Variants in MAN1C1 observed in about 807,000 individuals in gnomAD.
MAN1C1 encodes the protein mannosidase alpha class 1C member 1.
Under a neutral mutation model 71.5 loss-of-function variants are expected in MAN1C1, and 49 were observed. The observed-to-expected ratio is 0.69, with a 90% CI of 0.54 to 0.87. The LOEUF (loss-of-function observed/expected upper bound fraction) is 0.87, where lower values mean the gene tolerates loss of function less well. Ranked by LOEUF, MAN1C1 falls within the 40% of genes least tolerant of loss-of-function variation. The probability of loss-of-function intolerance (pLI) is 0.00; values close to 1 mark genes in which losing one functional copy is unlikely to be tolerated. For synonymous variants in MAN1C1, 352 were observed against 343.7 expected (o/e 1.02, Z -0.27); for missense variants, 743 against 835.0 (o/e 0.89, Z 1.36).
chr1:25,682,643 A>G (rs548503483), intron 1 of MAN1C1, among the ~76,000 whole-genome samples: 1 of 152,310 alleles, frequency 6.6e-6, no homozygotes, highest in Admixed American at 6.5e-5. Context: ...GTGGCCCATA[A>G]GGGAAAACAG....
chr1:25,714,914 C>T (rs1032967801), intron 2 of MAN1C1, among the ~76,000 whole-genome samples: 1 of 152,164 alleles, frequency 6.6e-6, no homozygotes, highest in Non-Finnish European at 1.5e-5. Context: ...AGTCTGCACT[C>T]TCCAGTTTGC....
intron 1 of MAN1C1, among the ~76,000 whole-genome samples, chr1:25,667,568 T>C (rs3938392): frequency 6.6e-6 from 1 of 152,000 alleles, no homozygotes; most frequent in East Asian, 1.9e-4. Flanking sequence ...TCCCCATTAG[T>C]TCATCACGAT....
intron 1 of MAN1C1, among the ~76,000 whole-genome samples, chr1:25,641,574 C>G (rs2045537815): frequency 6.6e-6 from 1 of 152,248 alleles, no homozygotes; most frequent in African/African-American, 2.4e-5. Context: ...TTAGTAAATA[C>G]TGATGCCTGA....
At chr1:25,715,073 C>T (rs2046662828) in intron 2 of MAN1C1, among the ~76,000 whole-genome samples, 1 of 152,198 alleles carries the variant, frequency 6.6e-6, no homozygotes, top group Admixed American at 6.5e-5. Context: ...GGCCTGTTTT[C>T]ACTGTCTTCA....
At chr1:25,748,906 C>T (rs1411117557) in intron 3 of MAN1C1, among the ~76,000 whole-genome samples, 2 of 152,154 alleles carry the variant, frequency 1.3e-5, no homozygotes, top group Non-Finnish European at 2.9e-5. Context: ...GTAGCCTGGC[C>T]AGAGTGGGAT....
At chr1:25,729,938 G>A (rs960145985) in intron 2 of MAN1C1, among the ~76,000 whole-genome samples, 1 of 152,168 alleles carries the variant, frequency 6.6e-6, no homozygotes, top group Admixed American at 6.5e-5. Flanking sequence ...CTTAACAGCT[G>A]CATAAACTTC....
chr1:25,695,013 C>G (rs1427225374), intron 2 of MAN1C1, among the ~76,000 whole-genome samples: 1 of 152,044 alleles, frequency 6.6e-6, no homozygotes, highest in Admixed American at 6.5e-5. Context: ...GTATACACAC[C>G]CTTCCCGGTG....
At chr1:25,702,607 C>G (rs550541506) in intron 2 of MAN1C1, among the ~76,000 whole-genome samples, 19 of 152,306 alleles carry the variant, frequency 1.2e-4, no homozygotes, top group African/African-American at 4.6e-4. Flanking sequence ...ACCAGGGGGC[C>G]TGGTTCACCA....
intron 1 of MAN1C1, among the ~76,000 whole-genome samples, chr1:25,625,528 G>A (rs1301956142): frequency 6.6e-6 from 1 of 152,126 alleles, no homozygotes; most frequent in East Asian, 1.9e-4. Flanking sequence ...GAAAAATGGA[G>A]TAGTAAGCCA....
intron 2 of MAN1C1, among the ~76,000 whole-genome samples, chr1:25,715,376 G>A (rs985518528): frequency 6.6e-6 from 1 of 152,136 alleles, no homozygotes; most frequent in African/African-American, 2.4e-5. Flanking sequence ...AAGGAGGGGA[G>A]GTGTAGAAGG....
intron 8 of MAN1C1, among the ~76,000 whole-genome samples, chr1:25,773,913 C>A (rs1360775719): frequency 6.6e-6 from 1 of 152,164 alleles, no homozygotes; most frequent in Admixed American, 6.5e-5. Context: ...GTTAAAATCA[C>A]CTAGGGAGCT....
chr1:25,765,585 T>G (rs1475290009), intron 7 of MAN1C1, among the ~76,000 whole-genome samples: 1 of 152,082 alleles, frequency 6.6e-6, no homozygotes, highest in African/African-American at 2.4e-5. Context: ...TCCTGCAAAA[T>G]GAAAGAAGAG....
chr1:25,646,510 C>T (rs1178795659), intron 1 of MAN1C1: 1 of 152,202 alleles, frequency 6.6e-6, no homozygotes, highest in Non-Finnish European at 1.5e-5. Flanking sequence ...AGGTATAATA[C>T]ATTCACAGTG....
At chr1:25,744,411 G>T (rs545001836) in intron 2 of MAN1C1, among the ~76,000 whole-genome samples, 1 of 152,272 alleles carries the variant, frequency 6.6e-6, no homozygotes, top group South Asian at 2.1e-4. Flanking sequence ...ATTCACTTCA[G>T]CCCAAACAGG....
chr1:25,749,482 G>T, intron 4 of MAN1C1, 147 bp downstream of exon 4: 2 of 592,194 alleles, frequency 3.4e-6, no homozygotes, highest in East Asian at 3.0e-5. Flanking sequence ...ACCCCTGAGG[G>T]CCTGTTTTCC....
At position 25,784,399 on chromosome 1, in the gene MAN1C1, T is replaced by C. The variant is rs2047739205; in HGVS notation, c.*610T>C. 6.6e-6 allele frequency: 1 copy of C among 151,532 alleles called. No individual in the cohort carries two copies. The highest frequency in any genetic ancestry group is 6.6e-5 in the Admixed American group (1 of 15,264). 9.4% of individuals were successfully genotyped at this position (151,532 alleles called of 1,614,324 possible). A position where few individuals can be genotyped will look rare whatever the true frequency, so the allele number is the denominator to read the frequency against. ...ATTACTAGTGCTATTTTCATTATTA[T>C]TGTAATGGAAAAATCTGTGGACTAG... is the stretch of plus-strand genomic sequence containing the variant. On this transcript the variant is annotated 3_prime_UTR_variant, in exon 12 of 12. Coordinates refer to ENST00000374332, the MANE Select transcript of MAN1C1 (RefSeq NM_020379.4).
intron 2 of MAN1C1, among the ~76,000 whole-genome samples, chr1:25,690,083 C>G (rs999848677): frequency 2.6e-5 from 4 of 152,182 alleles, no homozygotes; most frequent in Non-Finnish European, 5.9e-5. Context: ...TCTATTCTTA[C>G]TTTAAGGACA....
rs746629573 is a variant in MAN1C1, at chr1:25,764,919, G to A, written c.1141+952G>A. Among the ~76,000 whole-genome samples, 4 of 151,962 alleles carry A rather than the reference G, an allele frequency of 2.6e-5. No individual in the cohort carries two copies. Among genetic ancestry groups the A allele is most frequent in the Middle Eastern group, 3.2e-3 (1 of 316 alleles). ...AAAAAGTAGCTGGGTGTGGTGGCAC[G>A]TGTCTCTAGTCCCAGCTACTCAGGA... On this transcript the variant is annotated intron_variant, in intron 7 of 11. Transcript: ENST00000374332. The surrounding 1 kb of genome is among the most constrained non-coding windows in gnomAD (Gnocchi z 4.4).
At chr1:25,705,140 C>T (rs1255094126) in intron 2 of MAN1C1, among the ~76,000 whole-genome samples, 1 of 152,100 alleles carries the variant, frequency 6.6e-6, no homozygotes, top group Non-Finnish European at 1.5e-5. Context: ...AATACATGCC[C>T]ATTATAGTGA....
Sources: allele counts gnomAD v4.1 joint callset (sites outside exome capture counted in the v4.1 genomes callset), GRCh38; gene constraint gnomAD v4.1.1; non-coding constraint Gnocchi (gnomAD v3.1); transcripts MANE v1.5; gene names NCBI Gene and HGNC (gene_info 2026-07-23, HGNC 2026-07-21).